The following RP9 variants were observed in gnomAD, a reference collection of about 807,000 sequenced individuals.
RP9 encodes RP9 pre-mRNA splicing factor.
RP9 carries 23 observed loss-of-function variants against 32.6 expected under a neutral mutation model. The observed-to-expected ratio is 0.71, with a 90% CI of 0.51 to 1.00. The LOEUF is 1.00. Among genes scored for constraint, RP9 ranks in the 50% least tolerant of loss-of-function variants. The pLI is 0.00. For missense variants in RP9, 245 were observed against 285.3 expected (o/e 0.86, Z 1.02); for synonymous variants, 94 against 103.6 (o/e 0.91, Z 0.56).
rs1247000189 is a variant in RP9 at position 33,099,318 on chromosome 7, T to C, written c.302A>G (p.Lys101Arg). ...GLWMPLGKEV[K>R]VMQCWRCKRY... ...TCTCCCACACTCACACTGCATAACT[T>C]TGACTTCTTTCCCCAGTGGCATCCA... The change falls in exon 3 of 6, where the codon AAA (lysine) becomes AGA (arginine). Residue 101 changes from lysine to arginine, a missense_variant. This residue lies in a region of RP9 where 182 missense variants were observed against 175.5 expected (regional missense o/e 1.04). Transcript: ENST00000297157. 5.0e-6 allele frequency: 8 copies of C among 1,613,228 alleles called. No homozygotes were observed. The highest frequency in any genetic ancestry group is 4.5e-5 in the East Asian group (2 of 44,890).
intron 5 of RP9, among the ~76,000 whole-genome samples, 182 bp from the exon 6 acceptor site, chr7:33,095,614 A>T (rs11773214): frequency 0.52 from 79,676 of 152,074 alleles, 21,266 homozygotes; most frequent in African/African-American, 0.62. Flanking sequence ...TACGTGACTG[A>T]AACCAGTGTA....
At chr7:33,096,400 C>A (rs1788334842) in intron 5 of RP9, 93 bp downstream of exon 5, 3 of 876,474 alleles carry the variant, frequency 3.4e-6, no homozygotes, top group Non-Finnish European at 5.8e-6. Flanking sequence ...ACCATGTTTA[C>A]TGCACCATTC....
At chr7:33,105,569 C>T (rs577856690) in intron 1 of RP9, among the ~76,000 whole-genome samples, 2 of 152,162 alleles carry the variant, frequency 1.3e-5, no homozygotes, top group South Asian at 2.1e-4. Flanking sequence ...ATTACCCTAA[C>T]ATTTCCTTGC....
intron 1 of RP9, chr7:33,100,835 T>A (rs1204263887): frequency 1.5e-5 from 9 of 599,672 alleles, no homozygotes; most frequent in Non-Finnish European, 2.9e-5. Flanking sequence ...CACGCAAGTC[T>A]CCAGATGGGA....
intron 2 of RP9, among the ~76,000 whole-genome samples, chr7:33,099,790 T>C (rs770130926): frequency 1.8e-4 from 27 of 152,128 alleles, no homozygotes; most frequent in Admixed American, 1.8e-3. Flanking sequence ...CCAGGCTTCC[T>C]GGAATAATAG....
At chr7:33,097,398 C>G (rs74690167) in intron 3 of RP9, 36 bp from the exon 4 acceptor site, 3 of 1,407,444 alleles carry the variant, frequency 2.1e-6, no homozygotes, top group African/African-American at 2.8e-5. Flanking sequence ...TGTAAGATAA[C>G]AGTTTCACCT....
At chr7:33,105,642 C>T (rs1788488309) in intron 1 of RP9, among the ~76,000 whole-genome samples, 1 of 152,140 alleles carries the variant, frequency 6.6e-6, no homozygotes, top group Non-Finnish European at 1.5e-5. Flanking sequence ...TAGATCAGGA[C>T]CCCTCATTCC....
intron 4 of RP9, among the ~76,000 whole-genome samples, chr7:33,097,004 T>C (rs1010050037): frequency 1.3e-5 from 2 of 152,242 alleles, no homozygotes; most frequent in African/African-American, 4.8e-5. Flanking sequence ...TGCGGTTGAA[T>C]AGATAACAAT....
chr7:33,097,959 T>G (rs1461347305), intron 3 of RP9, among the ~76,000 whole-genome samples: 1 of 152,194 alleles, frequency 6.6e-6, no homozygotes, highest in Non-Finnish European at 1.5e-5. Context: ...TCAGTATATT[T>G]TTCAGAGTAA....
In RP9 at chr7:33,100,572, A is replaced by G; in HGVS notation, c.153-11T>C. Reference sequence around the variant, plus strand: ...GGAGGTTTTTCGTAACTGGAAAACAAAAAACAAAACCTTATCAACCATGTT... The same window carrying G: ...GGAGGTTTTTCGTAACTGGAAAACAGAAAACAAAACCTTATCAACCATGTT... On this transcript the variant is annotated splice_polypyrimidine_tract_variant and intron_variant, in intron 1 of 5. Transcript: ENST00000297157. The G allele has an allele frequency of 6.2e-7, 1 of 1,612,216 alleles. No homozygotes were observed.
chr7:33,109,050 T>C lies in RP9; in HGVS notation c.152+171A>G, dbSNP rs1290999663. On this transcript the variant is annotated intron_variant, in intron 1 of 5. Transcript: ENST00000297157. This position sits in a 1 kb window ranked among gnomAD's most constrained non-coding sequence, Gnocchi z 4.9. ...GCCAGGAGGATGGACTTCAAGTCCT[T>C]GACCGCGGCGCCCGACATCGGTCGC... is the stretch of plus-strand genomic sequence containing the variant. Among the ~76,000 whole-genome samples, 2 of 152,038 alleles carry C rather than the reference T, an allele frequency of 1.3e-5. No individual in the cohort carries two copies. The highest frequency in any genetic ancestry group is 2.9e-5 in the Non-Finnish European group (2 of 67,984).
chr7:33,107,473 C>T (rs1183586748), intron 1 of RP9, among the ~76,000 whole-genome samples: 1 of 152,216 alleles, frequency 6.6e-6, no homozygotes, highest in East Asian at 1.9e-4. Flanking sequence ...CATTCTGATG[C>T]TTACGCTAGG....
intron 1 of RP9, among the ~76,000 whole-genome samples, chr7:33,105,806 T>G (rs1015719449): frequency 6.6e-6 from 1 of 152,232 alleles, no homozygotes; most frequent in South Asian, 2.1e-4. Context: ...ACATTCTTCA[T>G]CCAAACTAAG....
At chr7:33,099,531 T>C in intron 2 of RP9, 95 bp from the exon 3 acceptor site, 2 of 1,402,620 alleles carry the variant, frequency 1.4e-6, no homozygotes, top group Admixed American at 3.4e-5. Context: ...TTTCCTGGGC[T>C]TCCGGTGCCA....
intron 5 of RP9, among the ~76,000 whole-genome samples, chr7:33,096,128 C>G (rs1210119719): frequency 1.3e-5 from 2 of 152,240 alleles, no homozygotes; most frequent in African/African-American, 2.4e-5. Context: ...GCCACTGAGC[C>G]TGGCCTAAGT....
intron 1 of RP9, among the ~76,000 whole-genome samples, chr7:33,103,027 A>G (rs1788450580): frequency 6.6e-6 from 1 of 152,234 alleles, no homozygotes; most frequent in African/African-American, 2.4e-5. Context: ...ACTGACCAAC[A>G]TGCTTATCTA....
At chr7:33,103,806 C>T (rs983484782) in intron 1 of RP9, among the ~76,000 whole-genome samples, 7 of 151,934 alleles carry the variant, frequency 4.6e-5, no homozygotes, top group East Asian at 3.9e-4. Flanking sequence ...GGTGACAGAA[C>T]GAGAGCTTGT....
At position 33,109,114 on chromosome 7, in the gene RP9, CTCGCGGGGGCT is replaced by C; in HGVS notation, c.152+96_152+106del. 1 of 1,396,422 alleles carries C rather than the reference CTCGCGGGGGCT, an allele frequency of 7.2e-7. No homozygotes were observed. Among genetic ancestry groups the C allele is most frequent in the Non-Finnish European group, 9.3e-7 (1 of 1,073,882 alleles). 86.5% of individuals were successfully genotyped at this position (1,396,422 alleles called of 1,614,324 possible). A position where few individuals can be genotyped will look rare whatever the true frequency, so the allele number is the denominator to read the frequency against. ...CTGCCGGGCCCAGCCCCCCTGCCTG[CTCGCGGGGGCT>C]CGGAGGACCCGGCCTAGCGCCCACC... On this transcript the variant is annotated intron_variant, in intron 1 of 5. Coordinates refer to ENST00000297157, the MANE Select transcript of RP9 (RefSeq NM_203288.2). This position sits in a 1 kb window ranked among gnomAD's most constrained non-coding sequence, Gnocchi z 4.9.
Position 33,097,272 on chromosome 7 carries a change from A to C in RP9, c.404T>G (p.Val135Gly), listed in dbSNP as rs1341388299. 1 of 1,607,446 alleles carries C rather than the reference A, an allele frequency of 6.2e-7. No individual in the cohort carries two copies. Among genetic ancestry groups the C allele is most frequent in the Non-Finnish European group, 8.5e-7 (1 of 1,174,018 alleles). The stretch of plus-strand genomic sequence containing the variant: ...TTGACACTCTTGGACTTTACTTACC[A>C]CTCTGAACTGCTCTAACTTTTGGTT... ...KGNQKLEQFR[V>G]AHEDPMYDII... Residue 135 changes from valine (V) to glycine (G), a missense_variant and splice_region_variant, in exon 4 of 6, where the codon GTG (valine) becomes GGG (glycine). By Grantham distance (109) the Val-to-Gly change is moderately radical (BLOSUM62 -3). Coordinates refer to ENST00000297157, the MANE Select transcript of RP9 (RefSeq NM_203288.2).
Sources: gnomAD v4.1 joint callset for allele counts (sites outside exome capture counted in the v4.1 genomes callset) on GRCh38, gnomAD v4.1.1 for gene constraint, gnomAD v4.1.1 regional missense constraint, Gnocchi (gnomAD v3.1) non-coding constraint, MANE v1.5 for transcripts, NCBI Gene and HGNC (gene_info 2026-07-23, HGNC 2026-07-21) for gene names.